Variants in LRRC7 observed in about 807,000 individuals in gnomAD.
LRRC7 encodes leucine rich repeat containing 7.
A neutral mutation model predicts 175.7 loss-of-function variants in LRRC7; 23 were observed. That is an observed-to-expected ratio of 0.13 (90% CI 0.09 to 0.19). LRRC7 has a LOEUF of 0.19. Ranked by LOEUF, LRRC7 falls within the 10% of genes least tolerant of loss-of-function variation. The pLI, the probability that LRRC7 is intolerant of heterozygous loss-of-function variation, is 1.00. For synonymous variants in LRRC7, 685 were observed against 680.9 expected, an observed-to-expected ratio of 1.01 and a Z score of -0.09; for missense variants, 1,354 against 1,904.7, an observed-to-expected ratio of 0.71 and a Z score of 5.38.
intron 2 of LRRC7, among the ~76,000 whole-genome samples, chr1:69,694,605 G>A (rs1208700410): frequency 6.6e-6 from 1 of 151,980 alleles, no homozygotes; most frequent in Non-Finnish European, 1.5e-5. Context: ...GTTAGAAGTG[G>A]GCCTAGTGGG....
intron 2 of LRRC7, among the ~76,000 whole-genome samples, chr1:69,709,017 C>CA: frequency 6.6e-6 from 1 of 152,136 alleles, no homozygotes; most frequent in Non-Finnish European, 1.5e-5. Flanking sequence ...CGATCTACTA[C>CA]AAAAAGGCTT....
intron 7 of LRRC7, among the ~76,000 whole-genome samples, chr1:69,846,498 T>G (rs1338492720): frequency 6.6e-6 from 1 of 152,090 alleles, no homozygotes; most frequent in Non-Finnish European, 1.5e-5. Flanking sequence ...CAGCTTCAGT[T>G]TTATAAGATC....
chr1:69,991,155 CAAA>C (rs10709966), intron 10 of LRRC7, among the ~76,000 whole-genome samples: 6 of 135,394 alleles, frequency 4.4e-5, no homozygotes, highest in Admixed American at 7.3e-5. Context: ...GACCTTTTAT[CAAA>C]AAAAAAAAAA....
rs192667780 is a variant in LRRC7, at chr1:69,928,307, G to A, written c.648-3200G>A. Among the ~76,000 whole-genome samples the A allele has an allele frequency of 6.3e-4, 96 of 152,314 alleles. 2 individuals carry two copies. Among genetic ancestry groups the A allele is most frequent in the African/African-American group, 1.8e-3 (74 of 41,564 alleles). The stretch of plus-strand genomic sequence containing the variant: ...TGCCCGTTCTCAGATCTCCAGCTGC[G>A]TGCTGGGAGAACCACTGCTCTCTTC... On this transcript the variant is annotated intron_variant, in intron 7 of 26. Transcript: ENST00000651989.
intron 1 of LRRC7, among the ~76,000 whole-genome samples, chr1:69,592,309 A>G (rs776797418): frequency 5.9e-5 from 9 of 152,110 alleles, no homozygotes; most frequent in Non-Finnish European, 1.3e-4. Context: ...TCAAAAGAAC[A>G]TAAGAACATT....
chr1:69,658,536 A>T (rs1345571477), intron 1 of LRRC7, among the ~76,000 whole-genome samples: 1 of 152,030 alleles, frequency 6.6e-6, no homozygotes, highest in Admixed American at 6.6e-5. Context: ...GTAGAACTTC[A>T]GCTCCTGTTT....
At position 69,980,461 on chromosome 1, in the gene LRRC7, A is replaced by C; in HGVS notation, c.786+8A>C. The C allele has an allele frequency of 6.3e-7, 1 of 1,578,468 alleles. No individual in the cohort carries two copies. The highest frequency in any genetic ancestry group is 1.7e-5 in the Admixed American group (1 of 58,404). ...TTACAAGTGTTACCTGGGGTATGTA[A>C]GTTTTTATTCTACCATGTTGTTTAA... is the stretch of plus-strand genomic sequence containing the variant. On this transcript the variant is annotated splice_region_variant and intron_variant, in intron 9 of 26. Transcript: ENST00000651989.
In LRRC7 at chr1:70,139,382, G is replaced by C. The variant is rs142146702; in HGVS notation, c.*17495G>C. 51 of 152,276 alleles carry C rather than the reference G, an allele frequency of 3.3e-4. No homozygotes were observed. Among genetic ancestry groups the C allele is most frequent in the African/African-American group, 1.2e-3 (50 of 41,554 alleles). 9.4% of individuals were successfully genotyped at this position (152,276 alleles called of 1,614,324 possible). On this transcript the variant is annotated 3_prime_UTR_variant, in exon 27 of 27. Coordinates refer to ENST00000651989, the MANE Select transcript of LRRC7 (RefSeq NM_001370785.2). ...AAGTCATAAGTGAGAAAGAAAACAA[G>C]CATGTCTAGTGAAATCTGTCCAGTG...
At chr1:70,045,820 T>C (rs1180857051) in intron 22 of LRRC7, among the ~76,000 whole-genome samples, 1 of 152,108 alleles carries the variant, frequency 6.6e-6, no homozygotes, top group Non-Finnish European at 1.5e-5. Context: ...GCAGGCAAGA[T>C]TGCTTGTGCA....
intron 11 of LRRC7, among the ~76,000 whole-genome samples, chr1:69,997,138 G>A (rs1490447089): frequency 2.0e-5 from 3 of 152,186 alleles, no homozygotes; most frequent in Middle Eastern, 3.4e-3. Context: ...TGGATTCCTA[G>A]GTATTTTATT....
chr1:70,041,682 G>C (rs1659907913), intron 21 of LRRC7, among the ~76,000 whole-genome samples: 1 of 152,210 alleles, frequency 6.6e-6, no homozygotes, highest in Non-Finnish European at 1.5e-5. Context: ...TATGTACAAT[G>C]ACTAGTAATT....
intron 5 of LRRC7, among the ~76,000 whole-genome samples, chr1:69,834,095 T>C (rs1289458499): frequency 6.6e-6 from 1 of 152,168 alleles, no homozygotes; most frequent in African/African-American, 2.4e-5. Flanking sequence ...AAAATAATTA[T>C]TTCATCTAAT....
chr1:70,025,566 A>T (rs1041533269), intron 17 of LRRC7, among the ~76,000 whole-genome samples: 2 of 152,126 alleles, frequency 1.3e-5, no homozygotes, highest in Non-Finnish European at 2.9e-5. Flanking sequence ...CAGATTTTCC[A>T]AGAACTTTCA....
intron 2 of LRRC7, among the ~76,000 whole-genome samples, chr1:69,751,601 G>A (rs1669854651): frequency 6.6e-6 from 1 of 152,116 alleles, no homozygotes; most frequent in African/African-American, 2.4e-5. Flanking sequence ...TAGTAAATAT[G>A]TCCAAGTTCT....
At chr1:69,806,879 C>G (rs1677175786) in intron 4 of LRRC7, among the ~76,000 whole-genome samples, 1 of 151,978 alleles carries the variant, frequency 6.6e-6, no homozygotes. Context: ...ATGATACCAT[C>G]AGCTATAATT....
chr1:70,000,482 A>G (rs1401092005), intron 11 of LRRC7, among the ~76,000 whole-genome samples: 1 of 152,170 alleles, frequency 6.6e-6, no homozygotes, highest in Non-Finnish European at 1.5e-5. Context: ...AAATTACCTA[A>G]TGATATATTT....
At position 69,825,907 on chromosome 1, in the gene LRRC7, A is replaced by G; in HGVS notation, c.500+81A>G. 3 of 817,454 alleles carry G rather than the reference A, an allele frequency of 3.7e-6. No individual in the cohort carries two copies. The Admixed American group carries it at 8.6e-5, about 23-fold the overall frequency. 50.6% of individuals were successfully genotyped at this position (817,454 alleles called of 1,614,324 possible). The stretch of plus-strand genomic sequence containing the variant: ...TACCTAAATAGAGGAAATGCACATC[A>G]TAATTTAAATTTAAATGTAGCATTG... On this transcript the variant is annotated intron_variant, in intron 5 of 26. Coordinates refer to ENST00000651989, the MANE Select transcript of LRRC7 (RefSeq NM_001370785.2).
In LRRC7 at chr1:69,702,739, A is replaced by G. The variant is rs1557621788; in HGVS notation, c.100+24261A>G. ...GACAAATATAAATGATGGAAAAATG[A>G]TTTTTGATTGAATATACAATTCTAG... On this transcript the variant is annotated intron_variant, in intron 2 of 26. Transcript: ENST00000651989. Among the ~76,000 whole-genome samples, 3 of 152,126 alleles carry G rather than the reference A, an allele frequency of 2.0e-5. No homozygotes were observed. The East Asian group carries it at 5.8e-4, about 29-fold the overall frequency.
chr1:70,074,677 G>C (rs1662646390), intron 23 of LRRC7, among the ~76,000 whole-genome samples: 1 of 152,136 alleles, frequency 6.6e-6, no homozygotes, highest in Non-Finnish European at 1.5e-5. Context: ...ATTATACCAA[G>C]ACAGTCAATT....
Sources: gnomAD v4.1 joint callset for allele counts (sites outside exome capture counted in the v4.1 genomes callset) on GRCh38, gnomAD v4.1.1 for gene constraint, MANE v1.5 for transcripts, NCBI Gene and HGNC (gene_info 2026-07-23, HGNC 2026-07-21) for gene names.